CAMTA1: variants seen among roughly 807,000 people sequenced by gnomAD.
CAMTA1 encodes the protein calmodulin-binding transcription activator 1.
CAMTA1 carries 27 observed loss-of-function variants against 170.9 expected under a neutral mutation model. The ratio of observed to expected loss-of-function variants is 0.16; its 90% confidence interval spans 0.12 to 0.22. The LOEUF is 0.22. CAMTA1 is among the 10% of genes least tolerant of loss of function. The pLI is 1.00. For missense variants in CAMTA1, 1,619 were observed against 2,217.2 expected (o/e 0.73, Z 5.42); for synonymous variants, 833 against 891.5 (o/e 0.93, Z 1.17).
intron 5 of CAMTA1, among the ~76,000 whole-genome samples, chr1:7,413,816 G>T (rs956287104): frequency 7.2e-5 from 11 of 152,220 alleles, no homozygotes; most frequent in East Asian, 1.9e-4. Context: ...GGTGAGAGAG[G>T]GCATCCCTGT....
intron 6 of CAMTA1, among the ~76,000 whole-genome samples, chr1:7,572,107 C>T (rs530095761): frequency 6.6e-6 from 1 of 152,306 alleles, no homozygotes; most frequent in Admixed American, 6.5e-5. Context: ...GAGCATTTTT[C>T]ATATGCCTAT....
intron 12 of CAMTA1, among the ~76,000 whole-genome samples, chr1:7,733,043 T>A (rs560705146): frequency 3.4e-4 from 51 of 151,114 alleles, no homozygotes; most frequent in East Asian, 5.9e-4. Flanking sequence ...AAAAAAAAAA[T>A]TTTTTTTAAT....
chr1:7,474,272 TCA>T (rs1450419542), intron 6 of CAMTA1, among the ~76,000 whole-genome samples: 16 of 136,850 alleles, frequency 1.2e-4, no homozygotes, highest in Non-Finnish European at 2.5e-4. Flanking sequence ...TCTCTGAGTC[TCA>T]GTTAGCTCAT....
intron 4 of CAMTA1, among the ~76,000 whole-genome samples, chr1:7,151,212 C>T (rs1220320811): frequency 6.6e-6 from 1 of 152,228 alleles, no homozygotes; most frequent in African/African-American, 2.4e-5. Flanking sequence ...CCCTGGCTTT[C>T]TTCTACACTG....
intron 5 of CAMTA1, among the ~76,000 whole-genome samples, chr1:7,318,803 T>G (rs2149670878): frequency 6.6e-6 from 1 of 152,362 alleles, no homozygotes; most frequent in Non-Finnish European, 1.5e-5. Context: ...TACTCATTGC[T>G]GGATCCCTAG....
chr1:7,704,219 C>G (rs955606049), intron 11 of CAMTA1, among the ~76,000 whole-genome samples: 12 of 147,444 alleles, frequency 8.1e-5, no homozygotes, highest in African/African-American at 2.9e-4. Flanking sequence ...AACGCGGGCC[C>G]TCGGCGCGGA....
intron 2 of CAMTA1, among the ~76,000 whole-genome samples, chr1:6,823,001 T>C (rs1291739527): frequency 2.6e-5 from 4 of 152,142 alleles, no homozygotes; most frequent in Non-Finnish European, 5.9e-5. Context: ...CTCAGAGATA[T>C]GGCTATTCAT....
chr1:7,754,815 G>C (rs537343545), intron 21 of CAMTA1, among the ~76,000 whole-genome samples: 1 of 152,266 alleles, frequency 6.6e-6, no homozygotes, highest in African/African-American at 2.4e-5. Context: ...AATAGCCTCT[G>C]TAATAAGATC....
intron 5 of CAMTA1, among the ~76,000 whole-genome samples, chr1:7,302,139 G>A (rs1347797361): frequency 6.8e-6 from 1 of 147,004 alleles, no homozygotes; most frequent in African/African-American, 2.5e-5. Context: ...TACAGCAAAA[G>A]CATCGACTGC....
intron 6 of CAMTA1, among the ~76,000 whole-genome samples, chr1:7,535,327 C>T (rs1435571202): frequency 6.7e-6 from 1 of 149,166 alleles, no homozygotes; most frequent in Non-Finnish European, 1.5e-5. Flanking sequence ...AGCTGCAGTG[C>T]CCAGGGAGTG....
intron 5 of CAMTA1, among the ~76,000 whole-genome samples, chr1:7,253,548 C>T (rs1238617556): frequency 1.3e-5 from 2 of 152,226 alleles, no homozygotes; most frequent in Non-Finnish European, 2.9e-5. Context: ...ACTACTGAGA[C>T]AGTCATGGGC....
At chr1:7,481,212 A>G (rs1399026765) in intron 6 of CAMTA1, among the ~76,000 whole-genome samples, 2 of 152,028 alleles carry the variant, frequency 1.3e-5, no homozygotes, top group African/African-American at 4.8e-5. Flanking sequence ...TTAAATCCCA[A>G]ATCAGATCAC....
chr1:7,446,947 C>T (rs1355853602), intron 5 of CAMTA1, among the ~76,000 whole-genome samples: 7 of 152,180 alleles, frequency 4.6e-5, no homozygotes, highest in Non-Finnish European at 7.3e-5. Context: ...TCGCCTCCAC[C>T]GTCTTTCTTA....
chr1:7,367,437 G>T (rs1408619128), intron 5 of CAMTA1, among the ~76,000 whole-genome samples: 1 of 152,254 alleles, frequency 6.6e-6, no homozygotes, highest in South Asian at 2.1e-4. Flanking sequence ...ACACATTAGG[G>T]TGGTTGCACA....
chr1:7,190,237 T>C (rs1654253392), intron 4 of CAMTA1, among the ~76,000 whole-genome samples: 1 of 152,114 alleles, frequency 6.6e-6, no homozygotes, highest in South Asian at 2.1e-4. Flanking sequence ...CTAAAGAACT[T>C]ACTCACGTAA....
intron 4 of CAMTA1, among the ~76,000 whole-genome samples, chr1:7,161,026 G>A (rs983413866): frequency 4.6e-5 from 7 of 152,132 alleles, no homozygotes; most frequent in African/African-American, 1.7e-4. Flanking sequence ...TTGCTGCAAA[G>A]GCTTCTTCCT....
chr1:7,020,659 C>T (rs1701211281), intron 3 of CAMTA1, among the ~76,000 whole-genome samples: 1 of 152,230 alleles, frequency 6.6e-6, no homozygotes, highest in African/African-American at 2.4e-5. Flanking sequence ...GGCTCTCCTG[C>T]CTCTGATTCA....
chr1:7,000,748 G>C (rs1698104311), intron 3 of CAMTA1, among the ~76,000 whole-genome samples: 1 of 152,158 alleles, frequency 6.6e-6, no homozygotes, highest in Non-Finnish European at 1.5e-5. Flanking sequence ...CCCAATTCCT[G>C]CTCATCTTTT....
chr1:7,596,031 G>A (rs1351636488), intron 6 of CAMTA1, among the ~76,000 whole-genome samples: 2 of 152,212 alleles, frequency 1.3e-5, no homozygotes, highest in Admixed American at 1.3e-4. Context: ...ACAGCAAGCT[G>A]GGCAATTTAG....
Sources: gnomAD v4.1 joint callset for allele counts (sites outside exome capture counted in the v4.1 genomes callset) on GRCh38, gnomAD v4.1.1 for gene constraint, MANE v1.5 for transcripts, NCBI Gene and HGNC (gene_info 2026-07-23, HGNC 2026-07-21) for gene names.